Variants in HECW2 observed in about 807,000 individuals in gnomAD.
The protein encoded by HECW2 is E3 ubiquitin-protein ligase HECW2.
Under a neutral mutation model 175.2 loss-of-function variants are expected in HECW2, and 61 were observed. The observed-to-expected ratio is 0.35, with a 90% CI of 0.28 to 0.43. The LOEUF (loss-of-function observed/expected upper bound fraction) is 0.43, where lower values mean the gene tolerates loss of function less well. Among genes scored for constraint, HECW2 ranks in the 20% least tolerant of loss-of-function variants. HECW2 has a pLI of 1.00. For synonymous variants in HECW2, 671 were observed against 731.0 expected, an observed-to-expected ratio of 0.92 and a Z score of 1.32; for missense variants, 1,524 against 2,000.5, an observed-to-expected ratio of 0.76 and a Z score of 4.54.
At chr2:196,459,196 G>C (rs188570031) in intron 1 of HECW2, among the ~76,000 whole-genome samples, 1 of 152,346 alleles carries the variant, frequency 6.6e-6, no homozygotes, top group Admixed American at 6.5e-5. Flanking sequence ...GATCAGATTA[G>C]ACAGGGAAGG....
At chr2:196,552,160 GA>G (rs1689620130) in intron 1 of HECW2, among the ~76,000 whole-genome samples, 1 of 152,196 alleles carries the variant, frequency 6.6e-6, no homozygotes, top group African/African-American at 2.4e-5. Context: ...AAAATGATAA[GA>G]ATTATAATGC....
At chr2:196,245,288 G>C (rs964285375) in intron 19 of HECW2, among the ~76,000 whole-genome samples, 1 of 152,186 alleles carries the variant, frequency 6.6e-6, no homozygotes, top group African/African-American at 2.4e-5. Context: ...CTACGAAGCG[G>C]GTATTACTAG....
chr2:196,406,386 C>T (rs1285993125), intron 2 of HECW2, among the ~76,000 whole-genome samples: 2 of 152,172 alleles, frequency 1.3e-5, no homozygotes, highest in Non-Finnish European at 2.9e-5. Flanking sequence ...TCTCTTTATA[C>T]CATCTTCAGT....
chr2:196,264,058 C>T (rs1036813909), intron 17 of HECW2: 1 of 152,130 alleles, frequency 6.6e-6, no homozygotes, highest in Non-Finnish European at 1.5e-5. Flanking sequence ...AACTTGCCAA[C>T]ATACTATTAA....
chr2:196,347,649 G>A (rs990479564), intron 2 of HECW2, among the ~76,000 whole-genome samples: 2 of 152,348 alleles, frequency 1.3e-5, no homozygotes, highest in Middle Eastern at 3.4e-3. Context: ...AGCAGAATGA[G>A]CTGACCCTGA....
intron 2 of HECW2, among the ~76,000 whole-genome samples, chr2:196,419,235 T>G (rs1559099522): frequency 6.6e-6 from 1 of 152,218 alleles, no homozygotes; most frequent in East Asian, 1.9e-4. Flanking sequence ...ACAGACTGAT[T>G]ACCCAGAATA....
intron 2 of HECW2, among the ~76,000 whole-genome samples, chr2:196,425,134 A>G (rs1463268047): frequency 6.6e-6 from 1 of 152,016 alleles, no homozygotes; most frequent in Non-Finnish European, 1.5e-5. Flanking sequence ...CAAAGCCAAA[A>G]TGACAGCACA....
intron 5 of HECW2, 115 bp from the exon 6 acceptor site, chr2:196,325,264 G>A (rs1479526424): frequency 3.5e-6 from 2 of 573,484 alleles, no homozygotes; most frequent in Non-Finnish European, 5.6e-6. Flanking sequence ...CATATGTCCT[G>A]ATTAGAACAA....
chr2:196,521,715 G>A (rs1688399604), intron 1 of HECW2, among the ~76,000 whole-genome samples: 1 of 146,000 alleles, frequency 6.8e-6, no homozygotes, highest in Admixed American at 7.1e-5. Flanking sequence ...TCCCACCTAT[G>A]AGTGAGAATA....
intron 2 of HECW2, among the ~76,000 whole-genome samples, chr2:196,425,860 C>T (rs778732893): frequency 1.3e-4 from 20 of 152,194 alleles, no homozygotes; most frequent in Admixed American, 2.6e-4. Context: ...AGATTGACTC[C>T]AATTTTGAAA....
chr2:196,217,164 G>A (rs1687505387), intron 26 of HECW2, 71 bp from the exon 27 acceptor site: 4 of 1,040,264 alleles, frequency 3.8e-6, no homozygotes, highest in Middle Eastern at 2.1e-4. Context: ...TACGTGACAC[G>A]AAGAGTCCCC....
intron 2 of HECW2, among the ~76,000 whole-genome samples, chr2:196,368,403 C>G (rs919511109): frequency 6.6e-6 from 1 of 152,194 alleles, no homozygotes; most frequent in Non-Finnish European, 1.5e-5. Context: ...CTTTTAGCAT[C>G]CTTTCTTTAT....
In HECW2 at chr2:196,244,065, G is replaced by A. The variant is rs115470500; in HGVS notation, c.3530-1861C>T. 6.9e-3 allele frequency among the ~76,000 whole-genome samples: 1,051 copies of A among 152,288 alleles called. 20 individuals are homozygous for A. Among genetic ancestry groups the A allele is most frequent in the African/African-American group, 0.024 (992 of 41,552 alleles). On this transcript the variant is annotated intron_variant, in intron 19 of 28. Transcript: ENST00000644978. Reference sequence around the variant, plus strand: ...CAGAAAACAAAAGCTGGGAAGTCTTGTTCATTACATACCATGTAAGTTCAT... The same window carrying A: ...CAGAAAACAAAAGCTGGGAAGTCTTATTCATTACATACCATGTAAGTTCAT...
At chr2:196,289,957 A>G (rs1372292940) in intron 14 of HECW2, 1 of 152,208 alleles carries the variant, frequency 6.6e-6, no homozygotes, top group Non-Finnish European at 1.5e-5. Flanking sequence ...GCTTTAGTTA[A>G]GGTGTCCAGC....
chr2:196,266,368 G>A (rs1236833586), intron 17 of HECW2, among the ~76,000 whole-genome samples: 1 of 151,684 alleles, frequency 6.6e-6, no homozygotes. Context: ...AAAAAAAGGT[G>A]TCTTTAAAAA....
chr2:196,228,328 CAA>C (rs556418268), intron 21 of HECW2, 74 bp from the exon 22 acceptor site: 42 of 1,378,832 alleles, frequency 3.0e-5, no homozygotes, highest in Middle Eastern at 2.6e-4. Flanking sequence ...CTCCAGAGCT[CAA>C]GTTTCCATAG....
intron 16 of HECW2, among the ~76,000 whole-genome samples, chr2:196,273,049 A>ATTTTTTTTTTTTTTTTTTTTTTTT (rs778348590): frequency 6.2e-5 from 7 of 113,116 alleles, no homozygotes; most frequent in African/African-American, 1.5e-4. Context: ...AGCTGGTCTA[A>ATTTTTTTTTTTTTTTTTTTTTTTT]TTTTTTTTTT....
chr2:196,571,846 G>C (rs1690401058), intron 1 of HECW2, among the ~76,000 whole-genome samples: 1 of 152,142 alleles, frequency 6.6e-6, no homozygotes, highest in African/African-American at 2.4e-5. Context: ...GTTCATAGCA[G>C]CATTAATCAC....
intron 1 of HECW2, among the ~76,000 whole-genome samples, chr2:196,522,654 T>C (rs1269700218): frequency 6.6e-6 from 1 of 151,834 alleles, no homozygotes. Context: ...TTGATTTTTG[T>C]ATAAGGTGTA....
Sources: gnomAD v4.1 joint callset for allele counts (sites outside exome capture counted in the v4.1 genomes callset) on GRCh38, gnomAD v4.1.1 for gene constraint, MANE v1.5 for transcripts, NCBI Gene and HGNC (gene_info 2026-07-23, HGNC 2026-07-21) for gene names.